The following GNAQ variants were observed in gnomAD, a reference collection of about 807,000 sequenced individuals.
GNAQ encodes guanine nucleotide-binding protein G(q) subunit alpha.
Under a neutral mutation model 43.9 loss-of-function variants are expected in GNAQ, and 8 were observed. That is an observed-to-expected ratio of 0.18 (90% CI 0.11 to 0.33). The LOEUF (loss-of-function observed/expected upper bound fraction) is 0.33, where lower values mean the gene tolerates loss of function less well. Among genes scored for constraint, GNAQ ranks in the 10% least tolerant of loss-of-function variants. The pLI is 1.00. For synonymous variants in GNAQ, 155 were observed against 170.7 expected, an observed-to-expected ratio of 0.91 and a Z score of 0.71; for missense variants, 158 against 450.8, an observed-to-expected ratio of 0.35 and a Z score of 5.88.
intron 2 of GNAQ, among the ~76,000 whole-genome samples, chr9:77,843,883 C>T (rs941815042): frequency 6.6e-6 from 1 of 152,068 alleles, no homozygotes; most frequent in African/African-American, 2.4e-5. Flanking sequence ...TAATTGAGGG[C>T]CTGGATGGGT....
chr9:77,732,731 CTG>C (rs1226105865), intron 5 of GNAQ, among the ~76,000 whole-genome samples: 1 of 152,196 alleles, frequency 6.6e-6, no homozygotes, highest in African/African-American at 2.4e-5. Flanking sequence ...GGCCTAGACT[CTG>C]TGTGAGGCTC....
At chr9:77,809,482 A>G (rs1456721322) in intron 3 of GNAQ, among the ~76,000 whole-genome samples, 1 of 152,204 alleles carries the variant, frequency 6.6e-6, no homozygotes, top group Non-Finnish European at 1.5e-5. Context: ...TAGGGGAAAA[A>G]AAGTGAACCT....
At chr9:77,895,779 C>CGAA (rs1828490657) in intron 2 of GNAQ, among the ~76,000 whole-genome samples, 1 of 152,128 alleles carries the variant, frequency 6.6e-6, no homozygotes, top group Admixed American at 6.5e-5. Flanking sequence ...GAGGATGGAT[C>CGAA]TTTCCGGTGC....
intron 2 of GNAQ, among the ~76,000 whole-genome samples, chr9:77,916,025 T>C (rs1447465568): frequency 6.6e-6 from 1 of 152,160 alleles, no homozygotes; most frequent in South Asian, 2.1e-4. Flanking sequence ...CGGCACTTTT[T>C]CCCAGAAATC....
At chr9:77,760,808 C>G (rs1825990458) in intron 5 of GNAQ, among the ~76,000 whole-genome samples, 1 of 151,386 alleles carries the variant, frequency 6.6e-6, no homozygotes, top group Non-Finnish European at 1.5e-5. Flanking sequence ...TGAGGAGCGT[C>G]TCTGCCCAGC....
Position 77,957,948 on chromosome 9 carries a change from C to T in GNAQ, c.137-35603G>A, listed in dbSNP as rs556884349. Among the ~76,000 whole-genome samples, 13 of 152,282 alleles carry T rather than the reference C, an allele frequency of 8.5e-5. 1 individual carries two copies. The South Asian group carries it at 1.0e-3, about 12-fold the overall frequency. On this transcript the variant is annotated intron_variant, in intron 1 of 6. Coordinates refer to ENST00000286548, the MANE Select transcript of GNAQ (RefSeq NM_002072.5). ...ACTTAAAGAAGAGACACATTTTAAA[C>T]GGCAGGCATTTTTCTTACAAGATCA...
rs1826023376 is a variant in GNAQ, at chr9:77,761,544, G to A, written c.736-32877C>T. ...GGCCAGCCGCCCCGTCCGGGAGGGAGGTGGGGGGGTCAGCCCCCCGCCCGG... is the reference window on the plus strand; with the variant it reads ...GGCCAGCCGCCCCGTCCGGGAGGGAAGTGGGGGGGTCAGCCCCCCGCCCGG... On this transcript the variant is annotated intron_variant, in intron 5 of 6. Coordinates refer to ENST00000286548, the MANE Select transcript of GNAQ (RefSeq NM_002072.5). 4.9e-5 allele frequency among the ~76,000 whole-genome samples: 7 copies of A among 141,686 alleles called. No individual in the cohort carries two copies. In the South Asian group the frequency reaches 1.6e-3, roughly 33 times the overall value. The allele number at this position is 141,686 out of a possible 152,430, so 93.0% of individuals were successfully genotyped here. A position where few individuals can be genotyped will look rare whatever the true frequency, so the allele number is the denominator to read the frequency against.
At position 77,957,389 on chromosome 9, in the gene GNAQ, A is replaced by T. The variant is rs557049385; in HGVS notation, c.137-35044T>A. On this transcript the variant is annotated intron_variant, in intron 1 of 6. Coordinates refer to ENST00000286548, the MANE Select transcript of GNAQ (RefSeq NM_002072.5). The stretch of plus-strand genomic sequence containing the variant: ...ACAAAAAAACAAAAACAAAAACAAA[A>T]CAAACAAAAAAACCCTTAATAATAA... 4.0e-5 allele frequency among the ~76,000 whole-genome samples: 6 copies of T among 151,880 alleles called. No individual in the cohort carries two copies. In the East Asian group the frequency reaches 1.2e-3, roughly 29 times the overall value.
intron 3 of GNAQ, among the ~76,000 whole-genome samples, chr9:77,806,070 C>T (rs1564116079): frequency 6.6e-6 from 1 of 152,178 alleles, no homozygotes; most frequent in Non-Finnish European, 1.5e-5. Flanking sequence ...GCAATAGATT[C>T]TCAGGTGTAG....
intron 2 of GNAQ, among the ~76,000 whole-genome samples, chr9:77,894,795 G>A (rs1473225934): frequency 7.2e-6 from 1 of 139,702 alleles, no homozygotes; most frequent in East Asian, 2.0e-4. Context: ...CATTGATCAA[G>A]AGCATTATTT....
chr9:77,882,174 C>T (rs951960303), intron 2 of GNAQ, among the ~76,000 whole-genome samples: 4 of 152,150 alleles, frequency 2.6e-5, no homozygotes, highest in African/African-American at 9.6e-5. Flanking sequence ...AAAAAAACAG[C>T]AGTATGAGTT....
At chr9:77,947,818 C>T (rs149668671) in intron 1 of GNAQ, among the ~76,000 whole-genome samples, 41 of 152,318 alleles carry the variant, frequency 2.7e-4, no homozygotes, top group African/African-American at 8.7e-4. Flanking sequence ...AAGACTTCAG[C>T]GCCATGGAAG....
intron 5 of GNAQ, among the ~76,000 whole-genome samples, chr9:77,732,661 C>T (rs555804673): frequency 4.6e-5 from 7 of 152,220 alleles, no homozygotes; most frequent in South Asian, 2.1e-4. Context: ...CCACCGCACC[C>T]GGCAGGATAC....
At chr9:77,955,709 TAA>T (rs1823032999) in intron 1 of GNAQ, among the ~76,000 whole-genome samples, 2 of 152,222 alleles carry the variant, frequency 1.3e-5, no homozygotes, top group African/African-American at 2.4e-5. Flanking sequence ...TTTTATGAAT[TAA>T]TCTAAACTCT....
chr9:77,855,473 T>C (rs917803955), intron 2 of GNAQ, among the ~76,000 whole-genome samples: 1 of 152,166 alleles, frequency 6.6e-6, no homozygotes, highest in Non-Finnish European at 1.5e-5. Context: ...TACTTTGATT[T>C]TGCATGGTAT....
chr9:77,837,144 T>C (rs1281232541), intron 2 of GNAQ, among the ~76,000 whole-genome samples: 1 of 152,190 alleles, frequency 6.6e-6, no homozygotes, highest in African/African-American at 2.4e-5. Context: ...GTAACATATA[T>C]ATATTTACAT....
intron 2 of GNAQ, among the ~76,000 whole-genome samples, chr9:77,921,754 G>A (rs1828999742): frequency 6.6e-6 from 1 of 152,102 alleles, no homozygotes; most frequent in Admixed American, 6.5e-5. Context: ...ATAGTTTTAG[G>A]TTGTTTTCAC....
intron 2 of GNAQ, among the ~76,000 whole-genome samples, chr9:77,849,732 T>C (rs1463542855): frequency 1.3e-5 from 2 of 152,130 alleles, no homozygotes; most frequent in African/African-American, 2.4e-5. Flanking sequence ...AGTGGCACAA[T>C]CATGGCTCAC....
chr9:77,767,993 AATC>A (rs1826161885), intron 5 of GNAQ, among the ~76,000 whole-genome samples: 1 of 152,224 alleles, frequency 6.6e-6, no homozygotes, highest in South Asian at 2.1e-4. Flanking sequence ...TTAGATTAGA[AATC>A]ATTATATTAT....
Sources: allele counts gnomAD v4.1 joint callset (sites outside exome capture counted in the v4.1 genomes callset), GRCh38; gene constraint gnomAD v4.1.1; transcripts MANE v1.5; gene names NCBI Gene and HGNC (gene_info 2026-07-23, HGNC 2026-07-21).